The following DTNA variants were observed in gnomAD, a reference collection of about 807,000 sequenced individuals.
DTNA encodes the protein dystrophin-related protein 3.
DTNA carries 43 observed loss-of-function variants against 100.7 expected under a neutral mutation model. The ratio of observed to expected loss-of-function variants is 0.43; its 90% CI spans 0.33 to 0.55. The LOEUF (loss-of-function observed/expected upper bound fraction) is 0.55, where lower values mean the gene tolerates loss of function less well. DTNA is among the 20% of genes least tolerant of loss of function. The probability of loss-of-function intolerance (pLI) is 0.04; values close to 1 mark genes in which losing one functional copy is unlikely to be tolerated. For synonymous variants in DTNA, 349 were observed against 347.9 expected, an observed-to-expected ratio of 1.00 and a Z score of -0.04; for missense variants, 798 against 953.9, an observed-to-expected ratio of 0.84 and a Z score of 2.15.
At chr18:34,689,994 T>G (rs1277978382) in intron 1 of DTNA, among the ~76,000 whole-genome samples, 1 of 152,160 alleles carries the variant, frequency 6.6e-6, no homozygotes, top group African/African-American at 2.4e-5. Context: ...AGCCCCTCCC[T>G]CCACCAAACT....
chr18:34,673,716 AT>A (rs2145181757), intron 1 of DTNA, among the ~76,000 whole-genome samples: 1 of 152,226 alleles, frequency 6.6e-6, no homozygotes, highest in Non-Finnish European at 1.5e-5. Flanking sequence ...AAAATTCTAC[AT>A]TCATTGCTGA....
chr18:34,794,469 G>A (rs2094885592), intron 4 of DTNA, among the ~76,000 whole-genome samples: 1 of 152,054 alleles, frequency 6.6e-6, no homozygotes, highest in Non-Finnish European at 1.5e-5. Flanking sequence ...AGAGGAACTT[G>A]AGGACAATTG....
chr18:34,867,786 C>G (rs1007537169), intron 17 of DTNA: 3 of 985,282 alleles, frequency 3.0e-6, no homozygotes, highest in Non-Finnish European at 3.6e-6. Context: ...TGGCAGTGCC[C>G]CCAAGGTGGC....
intron 1 of DTNA, among the ~76,000 whole-genome samples, chr18:34,594,403 T>G (rs1203035399): frequency 6.6e-6 from 1 of 152,246 alleles, no homozygotes; most frequent in East Asian, 1.9e-4. Context: ...ACAGCATTCC[T>G]TCTGAATAAA....
intron 1 of DTNA, among the ~76,000 whole-genome samples, chr18:34,609,375 G>T (rs972528078): frequency 1.3e-5 from 2 of 151,746 alleles, no homozygotes; most frequent in Non-Finnish European, 2.9e-5. Context: ...CTCCCGAGCG[G>T]CTGGGACTAC....
At chr18:34,647,158 C>T (rs1480926633) in intron 1 of DTNA, among the ~76,000 whole-genome samples, 2 of 151,768 alleles carry the variant, frequency 1.3e-5, no homozygotes, top group East Asian at 3.9e-4. Flanking sequence ...ATGAGAATAA[C>T]ACACGGGTAG....
intron 1 of DTNA, among the ~76,000 whole-genome samples, chr18:34,753,366 A>ATTTTTTTTTTTTTT (rs757853063): frequency 3.8e-5 from 5 of 133,150 alleles, no homozygotes; most frequent in African/African-American, 1.3e-4. Flanking sequence ...TATTTATTTT[A>ATTTTTTTTTTTTTT]TTTTTTTTTT....
At chr18:34,645,131 T>C (rs2059691638) in intron 1 of DTNA, among the ~76,000 whole-genome samples, 1 of 152,130 alleles carries the variant, frequency 6.6e-6, no homozygotes, top group Admixed American at 6.5e-5. Flanking sequence ...CATAATGTAG[T>C]TGTTGTCATC....
chr18:34,526,305 A>T (rs1250381068), intron 1 of DTNA, among the ~76,000 whole-genome samples: 1 of 152,156 alleles, frequency 6.6e-6, no homozygotes, highest in Non-Finnish European at 1.5e-5. Context: ...AGATTAATTA[A>T]TTTAAAAATA....
intron 1 of DTNA, among the ~76,000 whole-genome samples, chr18:34,725,552 T>C: frequency 6.6e-6 from 1 of 152,156 alleles, no homozygotes. Flanking sequence ...AATACGATAC[T>C]ATCTCACACC....
intron 1 of DTNA, among the ~76,000 whole-genome samples, chr18:34,697,677 A>G (rs1234529650): frequency 1.3e-5 from 2 of 152,166 alleles, no homozygotes; most frequent in Admixed American, 6.5e-5. Flanking sequence ...ATTTGATTGT[A>G]TGAAATAGAG....
intron 13 of DTNA, among the ~76,000 whole-genome samples, chr18:34,839,887 C>A (rs1046662889): frequency 1.3e-5 from 2 of 152,174 alleles, no homozygotes; most frequent in African/African-American, 4.8e-5. Context: ...TTTGCACCAA[C>A]CTAGTATTTC....
intron 1 of DTNA, among the ~76,000 whole-genome samples, chr18:34,728,115 A>G (rs966239671): frequency 1.3e-5 from 2 of 152,228 alleles, no homozygotes; most frequent in Non-Finnish European, 2.9e-5. Context: ...GTTAAAAGTG[A>G]GAATTTGAAA....
chr18:34,790,613 C>T (rs1468620140), intron 3 of DTNA, among the ~76,000 whole-genome samples: 3 of 128,728 alleles, frequency 2.3e-5, no homozygotes, highest in Non-Finnish European at 4.6e-5. Flanking sequence ...GCTCTGTTGC[C>T]CAGGTTGGAG....
At chr18:34,572,319 T>G (rs2047667490) in intron 1 of DTNA, among the ~76,000 whole-genome samples, 1 of 152,172 alleles carries the variant, frequency 6.6e-6, no homozygotes, top group African/African-American at 2.4e-5. Flanking sequence ...AAATGTGTAT[T>G]AAATGAGAAT....
chr18:34,624,034 A>G lies in DTNA; in HGVS notation c.-2+130520A>G, dbSNP rs76792146. 1.5e-3 allele frequency among the ~76,000 whole-genome samples: 221 copies of G among 152,326 alleles called. 2 individuals carry two copies. The highest frequency in any genetic ancestry group is 4.9e-3 in the African/African-American group (204 of 41,580). On this transcript the variant is annotated intron_variant, in intron 1 of 19. Coordinates refer to the DTNA transcript ENST00000283365. ...GAGATTGACTTGAAATGAATTTTTA[A>G]TTAAAATTACCCAAAGGCCTAGTGA...
At position 34,889,526 on chromosome 18, in the gene DTNA, C is replaced by G; in HGVS notation, c.*1792C>G. Reference sequence around the variant, plus strand: ...TGCTTCTGGGGCTGGCAAAAACCTTCTCTGAACCCACACACCAAGTTCGTA... The same window carrying G: ...TGCTTCTGGGGCTGGCAAAAACCTTGTCTGAACCCACACACCAAGTTCGTA... On this transcript the variant is annotated 3_prime_UTR_variant, in exon 23 of 23. Transcript: ENST00000444659. 1.0e-6 allele frequency: 1 copy of G among 985,450 alleles called. No individual in the cohort carries two copies. The highest frequency in any genetic ancestry group is 1.2e-6 in the Non-Finnish European group (1 of 829,952). The allele number at this position is 985,450 out of a possible 1,614,324, so 61.0% of individuals were successfully genotyped here.
At chr18:34,577,397 G>A (rs1344871020) in intron 1 of DTNA, among the ~76,000 whole-genome samples, 1 of 151,902 alleles carries the variant, frequency 6.6e-6, no homozygotes, top group Non-Finnish European at 1.5e-5. Context: ...TTTGGTCTTG[G>A]TTTTTTATTC....
chr18:34,527,454 A>G (rs976818077), intron 1 of DTNA, among the ~76,000 whole-genome samples: 1 of 152,022 alleles, frequency 6.6e-6, no homozygotes, highest in Non-Finnish European at 1.5e-5. Context: ...TATAGACAGA[A>G]ACTTCAGCAA....
Sources: gnomAD v4.1 joint callset for allele counts (sites outside exome capture counted in the v4.1 genomes callset) on GRCh38, gnomAD v4.1.1 for gene constraint, MANE v1.5 for transcripts, NCBI Gene and HGNC (gene_info 2026-07-23, HGNC 2026-07-21) for gene names.